The following CBLB variants were observed in gnomAD, a reference collection of about 807,000 sequenced individuals.
CBLB encodes the protein Cbl proto-oncogene B.
Under a neutral mutation model 104.9 loss-of-function variants are expected in CBLB, and 31 were observed. The observed-to-expected ratio is 0.30, with a 90% confidence interval of 0.22 to 0.40. The LOEUF (loss-of-function observed/expected upper bound fraction) is 0.40, where lower values mean the gene tolerates loss of function less well. CBLB is among the 10% of genes least tolerant of loss of function. The pLI is 1.00. For synonymous variants in CBLB, 440 were observed against 422.6 expected (o/e 1.04, Z -0.51); for missense variants, 1,062 against 1,214.6 (o/e 0.87, Z 1.87).
intron 3 of CBLB, among the ~76,000 whole-genome samples, chr3:105,782,986 T>C (rs1435622820): frequency 6.6e-6 from 1 of 152,220 alleles, no homozygotes; most frequent in African/African-American, 2.4e-5. Flanking sequence ...AAAATAAATA[T>C]ATTTAAATGG....
chr3:105,781,791 TG>T (rs2080287887), intron 3 of CBLB, among the ~76,000 whole-genome samples: 1 of 152,240 alleles, frequency 6.6e-6, no homozygotes, highest in Non-Finnish European at 1.5e-5. Context: ...GTGCTGCTTT[TG>T]GTAGAAGAAA....
intron 3 of CBLB, among the ~76,000 whole-genome samples, chr3:105,807,805 A>G (rs1257472073): frequency 1.3e-5 from 2 of 152,198 alleles, no homozygotes; most frequent in African/African-American, 4.8e-5. Flanking sequence ...ATAGAGCTGG[A>G]AAGGACCTTA....
At chr3:105,738,757 A>G (rs554341678) in intron 7 of CBLB, among the ~76,000 whole-genome samples, 34 of 152,280 alleles carry the variant, frequency 2.2e-4, no homozygotes, top group Non-Finnish European at 4.6e-4. Context: ...TCTATACACA[A>G]AGCTTTGATG....
At chr3:105,798,327 A>T (rs2082462661) in intron 3 of CBLB, among the ~76,000 whole-genome samples, 1 of 152,190 alleles carries the variant, frequency 6.6e-6, no homozygotes, top group Non-Finnish European at 1.5e-5. Context: ...AATAAAATAA[A>T]TATTATCAGT....
Position 105,776,449 on chromosome 3 carries a change from A to C in CBLB, c.513T>G (p.Phe171Leu). Residue 171 changes from phenylalanine (F) to leucine (L), a missense_variant, in exon 4 of 19, where the codon TTT becomes TTG. Phe to Leu is a conservative substitution (Grantham distance 22). Transcript: ENST00000394030. The part of the protein sequence containing the change: ...FPNGQFQGDN[F>L]RITKADAAEF... The stretch of plus-strand genomic sequence containing the variant: ...CAGCAGCATCTGCTTTTGTGATACG[A>C]AAGTTATCTCCCTGGAATTGACCAT... 1 of 1,613,846 alleles carries C rather than the reference A, an allele frequency of 6.2e-7. No individual in the cohort carries two copies. Among genetic ancestry groups the C allele is most frequent in the South Asian group, 1.1e-5 (1 of 91,080 alleles).
chr3:105,746,400 G>C (rs575312169), intron 5 of CBLB, among the ~76,000 whole-genome samples: 1 of 152,118 alleles, frequency 6.6e-6, no homozygotes, highest in Non-Finnish European at 1.5e-5. Flanking sequence ...AAAAGTCAAA[G>C]TCCTCATATA....
intron 3 of CBLB, among the ~76,000 whole-genome samples, chr3:105,841,476 G>A (rs907888631): frequency 4.6e-5 from 7 of 151,278 alleles, no homozygotes; most frequent in African/African-American, 9.7e-5. Context: ...TTTTTGAGAC[G>A]GGGTCTCACT....
intron 9 of CBLB, among the ~76,000 whole-genome samples, chr3:105,731,867 C>T (rs1170565748): frequency 1.3e-5 from 2 of 152,182 alleles, no homozygotes; most frequent in African/African-American, 4.8e-5. Flanking sequence ...ATACTAAGCA[C>T]AGTATTGAGT....
chr3:105,834,178 A>ACAG (rs1455876093), intron 3 of CBLB, among the ~76,000 whole-genome samples: 2 of 151,990 alleles, frequency 1.3e-5, no homozygotes, highest in East Asian at 3.9e-4. Flanking sequence ...CAAGAGGTTA[A>ACAG]CAATGTACTG....
chr3:105,670,658 TC>T, intron 17 of CBLB: 1 of 349,004 alleles, frequency 2.9e-6, no homozygotes, highest in East Asian at 7.0e-5. Flanking sequence ...TTATTTTCTG[TC>T]CCAATCCAAC....
At chr3:105,739,697 T>C (rs1003616518) in intron 7 of CBLB, among the ~76,000 whole-genome samples, 3 of 151,938 alleles carry the variant, frequency 2.0e-5, no homozygotes, top group Non-Finnish European at 2.9e-5. Context: ...GTCCTGAATA[T>C]GGAGTTATTA....
intron 3 of CBLB, among the ~76,000 whole-genome samples, chr3:105,779,823 C>T (rs2079954355): frequency 6.6e-6 from 1 of 151,906 alleles, no homozygotes; most frequent in Non-Finnish European, 1.5e-5. Context: ...TATGTGCTTT[C>T]TTTATTCCCC....
chr3:105,767,394 C>G (rs1408583541), intron 4 of CBLB, among the ~76,000 whole-genome samples: 1 of 151,902 alleles, frequency 6.6e-6, no homozygotes, highest in Admixed American at 6.6e-5. Context: ...ATACGGGAAA[C>G]CAAAGAAGGC....
chr3:105,856,639 A>G (rs1213004858), intron 2 of CBLB, among the ~76,000 whole-genome samples: 1 of 152,142 alleles, frequency 6.6e-6, no homozygotes, highest in Non-Finnish European at 1.5e-5. Context: ...TATTTTTACA[A>G]TTGAACTCTA....
chr3:105,696,160 A>G (rs1185312040), intron 12 of CBLB, among the ~76,000 whole-genome samples: 1 of 151,648 alleles, frequency 6.6e-6, no homozygotes, highest in East Asian at 1.9e-4. Context: ...ATATGTACTG[A>G]GAGTTGACAA....
intron 6 of CBLB, among the ~76,000 whole-genome samples, chr3:105,745,313 C>T (rs1008772736): frequency 1.3e-5 from 2 of 152,192 alleles, no homozygotes; most frequent in Non-Finnish European, 2.9e-5. Context: ...TTGGCCAAAG[C>T]CACAGGGGCT....
rs766963470 is a variant in CBLB at position 105,659,051 on chromosome 3, G to C, written c.2868C>G (p.Ala956=). 1.2e-6 allele frequency: 2 copies of C among 1,613,890 alleles called. No homozygotes were observed. Among genetic ancestry groups the C allele is most frequent in the Non-Finnish European group, 8.5e-7 (1 of 1,179,876 alleles). The change falls in exon 19 of 19, where the codon GCC becomes GCG. Residue 956 remains alanine (A), a synonymous_variant. Transcript: ENST00000394030. ...TCCGGGCAACTTCGACATTATTCTG[G>C]GCTATCTCTAAGGCTCTCTTCACCT... ...FEEVKRALEI[A]QNNVEVARSI... is the part of the protein sequence containing the mutation.
At chr3:105,681,865 A>G (rs1215381541) in intron 14 of CBLB, 47 bp from the exon 15 acceptor site, 1 of 1,097,024 alleles carries the variant, frequency 9.1e-7, no homozygotes, top group Admixed American at 1.7e-5. Flanking sequence ...ATACTTTCCA[A>G]TTAAAAGTAA....
chr3:105,803,597 C>G (rs10933831), intron 3 of CBLB, among the ~76,000 whole-genome samples: 148,619 of 152,306 alleles, frequency 0.98, 72,626 homozygotes, highest in East Asian at 1. Flanking sequence ...GCCCCACTCT[C>G]TATCCTCGAA....
Sources: allele counts gnomAD v4.1 joint callset (sites outside exome capture counted in the v4.1 genomes callset), GRCh38; gene constraint gnomAD v4.1.1; transcripts MANE v1.5; gene names NCBI Gene and HGNC (gene_info 2026-07-23, HGNC 2026-07-21).